The following RABGAP1L variants were observed in gnomAD, a reference collection of about 807,000 sequenced individuals.
RABGAP1L encodes the protein RAB GTPase activating protein 1 like.
A neutral mutation model predicts 137.7 loss-of-function variants in RABGAP1L; 63 were observed. The observed-to-expected ratio is 0.46, with a 90% confidence interval of 0.37 to 0.56. The LOEUF is 0.56. Ranked by LOEUF, RABGAP1L falls within the 20% of genes least tolerant of loss-of-function variation. The probability of loss-of-function intolerance (pLI) is 0.00; values close to 1 mark genes in which losing one functional copy is unlikely to be tolerated. For synonymous variants in RABGAP1L, 431 were observed against 433.7 expected (o/e 0.99, Z 0.08); for missense variants, 1,095 against 1,244.0 (o/e 0.88, Z 1.80).
intron 1 of RABGAP1L, among the ~76,000 whole-genome samples, chr1:174,197,419 G>C (rs1259466478): frequency 6.6e-6 from 1 of 152,086 alleles, no homozygotes; most frequent in African/African-American, 2.4e-5. Context: ...ATGGTCAGTA[G>C]AAGATGTGTT....
At chr1:174,682,273 T>G (rs1678121709) in intron 14 of RABGAP1L, among the ~76,000 whole-genome samples, 1 of 137,520 alleles carries the variant, frequency 7.3e-6, no homozygotes, top group Non-Finnish European at 1.5e-5. Flanking sequence ...AAAGCAAAAC[T>G]CTCTCTCTCT....
chr1:174,210,548 A>C (rs569084353), intron 1 of RABGAP1L, among the ~76,000 whole-genome samples: 1 of 152,322 alleles, frequency 6.6e-6, no homozygotes, highest in South Asian at 2.1e-4. Context: ...AGAGGAGACA[A>C]AAGAAAAACA....
At position 174,202,337 on chromosome 1, in the gene RABGAP1L, C is replaced by G. The variant is rs906067324; in HGVS notation, c.-33-16788C>G. On this transcript the variant is annotated intron_variant, in intron 1 of 25. Coordinates refer to ENST00000681986, the MANE Select transcript of RABGAP1L (RefSeq NM_001366446.1). The stretch of plus-strand genomic sequence containing the variant: ...GTTGTTTCCTGACTTTTTAATGATT[C>G]CCATTCTAACTGGTGTGAGATGGTA... Among the ~76,000 whole-genome samples, 44 of 152,016 alleles carry G rather than the reference C, an allele frequency of 2.9e-4. 1 individual carries two copies. The highest frequency in any genetic ancestry group is 3.4e-3 in the Middle Eastern group (1 of 294).
chr1:174,738,585 A>G (rs903769334), intron 17 of RABGAP1L, among the ~76,000 whole-genome samples: 2 of 152,108 alleles, frequency 1.3e-5, no homozygotes, highest in East Asian at 1.9e-4. Flanking sequence ...ACTTTTAACA[A>G]ATCTCTTTTG....
chr1:174,560,230 T>G (rs1667124267), intron 13 of RABGAP1L, among the ~76,000 whole-genome samples: 1 of 152,218 alleles, frequency 6.6e-6, no homozygotes, highest in African/African-American at 2.4e-5. Flanking sequence ...AGACTTTTTT[T>G]TCTACCACGT....
At chr1:174,829,277 G>GTATTAAACAGAAT (rs1691872185) in intron 19 of RABGAP1L, among the ~76,000 whole-genome samples, 1 of 148,248 alleles carries the variant, frequency 6.7e-6, no homozygotes, top group Admixed American at 6.8e-5. Context: ...TAATAAACAG[G>GTATTAAACAGAAT]AAAATCCTCA....
chr1:174,618,180 G>A (rs1672085462), intron 13 of RABGAP1L, among the ~76,000 whole-genome samples: 1 of 152,190 alleles, frequency 6.6e-6, no homozygotes, highest in Non-Finnish European at 1.5e-5. Context: ...GCAGCTTAAG[G>A]AGGCCTGCTT....
At chr1:174,896,739 C>T (rs1657252388) in intron 19 of RABGAP1L, among the ~76,000 whole-genome samples, 1 of 152,080 alleles carries the variant, frequency 6.6e-6, no homozygotes, top group Non-Finnish European at 1.5e-5. Context: ...TGTCAAAGAT[C>T]AGATGGTTGT....
intron 4 of RABGAP1L, among the ~76,000 whole-genome samples, chr1:174,234,508 A>G (rs532849346): frequency 0.014 from 2,017 of 145,224 alleles, 32 homozygotes; most frequent in Non-Finnish European, 0.018. Flanking sequence ...TCCCAGCACC[A>G]TTTATTAAAT....
At chr1:174,977,142 A>G (rs971609082) in intron 22 of RABGAP1L, among the ~76,000 whole-genome samples, 1 of 152,226 alleles carries the variant, frequency 6.6e-6, no homozygotes, top group African/African-American at 2.4e-5. Flanking sequence ...AAGCAACCAG[A>G]AAAAAAGTTC....
chr1:174,179,883 A>G (rs1666213176), intron 1 of RABGAP1L, among the ~76,000 whole-genome samples: 2 of 152,180 alleles, frequency 1.3e-5, no homozygotes, highest in African/African-American at 2.4e-5. Context: ...TTTTCATCTT[A>G]TGTATGCATT....
chr1:174,551,137 A>T (rs917796623), intron 13 of RABGAP1L, among the ~76,000 whole-genome samples: 8 of 149,030 alleles, frequency 5.4e-5, no homozygotes, highest in African/African-American at 2.0e-4. Flanking sequence ...TGAACCTGGG[A>T]GGCTGAGGTT....
At chr1:174,352,990 C>T (rs57941293) in intron 11 of RABGAP1L, among the ~76,000 whole-genome samples, 2,468 of 152,264 alleles carry the variant, frequency 0.016, 69 homozygotes, top group African/African-American at 0.057. Context: ...ACAACCATTT[C>T]TGTGGCCACC....
At chr1:174,284,041 T>C (rs1192946674) in intron 10 of RABGAP1L, among the ~76,000 whole-genome samples, 3 of 152,230 alleles carry the variant, frequency 2.0e-5, no homozygotes, top group East Asian at 1.9e-4. Context: ...TTGATACATA[T>C]ATATTGTGAA....
In RABGAP1L at chr1:174,410,401, A is replaced by G. The variant is rs182741722; in HGVS notation, c.1710+16256A>G. Among the ~76,000 whole-genome samples, 380 of 152,282 alleles carry G rather than the reference A, an allele frequency of 2.5e-3. 2 individuals carry two copies. Among genetic ancestry groups the G allele is most frequent in the African/African-American group, 8.3e-3 (347 of 41,570 alleles). On this transcript the variant is annotated intron_variant, in intron 13 of 25. Coordinates refer to ENST00000681986, the MANE Select transcript of RABGAP1L (RefSeq NM_001366446.1). The stretch of plus-strand genomic sequence containing the variant: ...AGTTAATTTTTGTGTATGGTGACAG[A>G]TAAGGGTCCAGTTTCTTTCTTCTGC...
chr1:174,440,350 T>G (rs1653979455), intron 13 of RABGAP1L, among the ~76,000 whole-genome samples: 1 of 152,122 alleles, frequency 6.6e-6, no homozygotes, highest in African/African-American at 2.4e-5. Context: ...GAATAATGGA[T>G]TGAAGAGAGA....
At chr1:174,948,511 A>G (rs1277854899) in intron 19 of RABGAP1L, among the ~76,000 whole-genome samples, 1 of 117,158 alleles carries the variant, frequency 8.5e-6, no homozygotes. Flanking sequence ...CCCTGCCTCA[A>G]AAAAAAAAAA....
At chr1:174,837,285 A>G (rs1692863291) in intron 19 of RABGAP1L, among the ~76,000 whole-genome samples, 1 of 152,200 alleles carries the variant, frequency 6.6e-6, no homozygotes, top group Non-Finnish European at 1.5e-5. Context: ...TAACCACATC[A>G]ATAATATGTC....
At chr1:174,816,945 A>C (rs1793301) in intron 19 of RABGAP1L, among the ~76,000 whole-genome samples, 1 of 151,986 alleles carries the variant, frequency 6.6e-6, no homozygotes, top group African/African-American at 2.4e-5. Flanking sequence ...TGGCCAGGAT[A>C]GTCTCGATCT....
Sources: allele counts gnomAD v4.1 joint callset (sites outside exome capture counted in the v4.1 genomes callset), GRCh38; gene constraint gnomAD v4.1.1; transcripts MANE v1.5; gene names NCBI Gene and HGNC (gene_info 2026-07-23, HGNC 2026-07-21).